Variants in MARK3 observed in about 807,000 individuals in gnomAD.
MARK3 encodes microtubule affinity regulating kinase 3.
In MARK3, 46 loss-of-function variants were observed where a neutral mutation model predicts 90.1. The ratio of observed to expected loss-of-function variants is 0.51; its 90% CI spans 0.40 to 0.65. The LOEUF (loss-of-function observed/expected upper bound fraction) is 0.65. Among genes scored for constraint, MARK3 ranks in the 30% least tolerant of loss-of-function variants. The pLI is 0.00. For missense variants in MARK3, 818 were observed against 947.2 expected, an observed-to-expected ratio of 0.86 and a Z score of 1.79; for synonymous variants, 321 against 332.6, an observed-to-expected ratio of 0.97 and a Z score of 0.38.
At chr14:103,471,521 A>C (rs1295064715) in intron 12 of MARK3, among the ~76,000 whole-genome samples, 1 of 152,096 alleles carries the variant, frequency 6.6e-6, no homozygotes, top group Non-Finnish European at 1.5e-5. Flanking sequence ...CATAATCCTC[A>C]TCTTTCTTGG....
At chr14:103,409,747 G>A (rs951398326) in intron 2 of MARK3, among the ~76,000 whole-genome samples, 3 of 152,062 alleles carry the variant, frequency 2.0e-5, no homozygotes, top group Non-Finnish European at 2.9e-5. Context: ...CCATGTCTGG[G>A]TCTTAGTACT....
At chr14:103,486,215 C>G (rs7156000) in intron 14 of MARK3, among the ~76,000 whole-genome samples, 147,368 of 152,126 alleles carry the variant, frequency 0.97, 71,562 homozygotes, top group East Asian at 1. Context: ...GAGGCAAGTG[C>G]ATCACCTGGG....
At chr14:103,476,628 A>G (rs55742283) in intron 13 of MARK3, among the ~76,000 whole-genome samples, 52,017 of 152,056 alleles carry the variant, frequency 0.34, 9,379 homozygotes, top group East Asian at 0.5. Flanking sequence ...CAATCTTAAG[A>G]TTATTCTGTA....
In MARK3 at chr14:103,468,091, G is replaced by A; in HGVS notation, c.1169G>A (p.Ser390Asn). 1 of 1,614,042 alleles carries A rather than the reference G, an allele frequency of 6.2e-7. No homozygotes were observed. Among genetic ancestry groups the A allele is most frequent in the Non-Finnish European group, 8.5e-7 (1 of 1,179,998 alleles). Reference sequence around the variant, plus strand: ...CTTTCACTTGCTAAGGTTAGGCCGAGCAGTGATCTCAACAACAGTACTGGC... The same window carrying A: ...CTTTCACTTGCTAAGGTTAGGCCGAACAGTGATCTCAACAACAGTACTGGC... ...SNLSLAKVRP[S>N]SDLNNSTGQS... The change falls in exon 12 of 18, where the codon AGC becomes AAC. Residue 390 changes from serine to asparagine, a missense_variant. Around this residue, in one of 3 missense-constraint regions of MARK3, gnomAD observed 560 missense variants for 613.5 expected, o/e 0.91. Coordinates refer to ENST00000429436, the MANE Select transcript of MARK3 (RefSeq NM_001128918.3).
intron 2 of MARK3, 88 bp downstream of exon 2, chr14:103,405,355 T>C: frequency 9.6e-7 from 1 of 1,044,182 alleles, no homozygotes; most frequent in Non-Finnish European, 1.3e-6. Context: ...ATATAGGCCT[T>C]ATTTCTTTTT....
chr14:103,463,044 G>C (rs2093431292), intron 7 of MARK3, among the ~76,000 whole-genome samples: 1 of 152,046 alleles, frequency 6.6e-6, no homozygotes, highest in Non-Finnish European at 1.5e-5. Flanking sequence ...CCCTCTGGGG[G>C]CTGTGCTCTG....
chr14:103,394,253 A>G (rs992954121), intron 1 of MARK3, among the ~76,000 whole-genome samples: 1 of 152,194 alleles, frequency 6.6e-6, no homozygotes, highest in Non-Finnish European at 1.5e-5. Flanking sequence ...CAAATTAAAC[A>G]TGAAGGAGAA....
intron 2 of MARK3, among the ~76,000 whole-genome samples, chr14:103,420,114 A>G (rs1388876027): frequency 6.6e-6 from 1 of 152,220 alleles, no homozygotes; most frequent in African/African-American, 2.4e-5. Flanking sequence ...TAAAAAGCAT[A>G]AAAACAGTCA....
Position 103,426,627 on chromosome 14 carries a change from A to G in MARK3, c.244-1760A>G, listed in dbSNP as rs561914923. Among the ~76,000 whole-genome samples, 33 of 152,180 alleles carry G rather than the reference A, an allele frequency of 2.2e-4. No individual in the cohort carries two copies. The East Asian group carries it at 3.1e-3, about 14-fold the overall frequency. The stretch of plus-strand genomic sequence containing the variant: ...CCTCTCTCCACTTTTCTTCCCTTCT[A>G]TTGTCACTTCCATTCTTTTTCCATA... On this transcript the variant is annotated intron_variant, in intron 2 of 17. Coordinates refer to ENST00000429436, the MANE Select transcript of MARK3 (RefSeq NM_001128918.3).
chr14:103,465,302 C>T (rs944790770), intron 7 of MARK3, among the ~76,000 whole-genome samples: 3 of 152,056 alleles, frequency 2.0e-5, no homozygotes, highest in Non-Finnish European at 4.4e-5. Context: ...AAACTCAAGG[C>T]TTTTCTTGAT....
At chr14:103,465,859 A>G (rs1595810440) in intron 8 of MARK3, 66 bp downstream of exon 8, 3 of 1,549,158 alleles carry the variant, frequency 1.9e-6, no homozygotes, top group Non-Finnish European at 2.6e-6. Context: ...ACATGGCTTA[A>G]TATTTTTAAC....
chr14:103,461,417 A>T (rs1483804777), intron 6 of MARK3, among the ~76,000 whole-genome samples: 1 of 152,180 alleles, frequency 6.6e-6, no homozygotes, highest in Non-Finnish European at 1.5e-5. Context: ...CAATTGTTTA[A>T]TCATAGGCAT....
At chr14:103,450,652 A>C (rs1318743553) in intron 4 of MARK3, among the ~76,000 whole-genome samples, 1 of 152,138 alleles carries the variant, frequency 6.6e-6, no homozygotes, top group South Asian at 2.1e-4. Context: ...AGGGAATGGT[A>C]TGATAGCTTT....
At chr14:103,476,437 C>G (rs916637209) in intron 13 of MARK3, among the ~76,000 whole-genome samples, 14 of 152,074 alleles carry the variant, frequency 9.2e-5, no homozygotes, top group Non-Finnish European at 1.9e-4. Context: ...TGGGTAATTG[C>G]CTAAAATTAC....
intron 2 of MARK3, among the ~76,000 whole-genome samples, chr14:103,425,067 A>G (rs2092355822): frequency 2.0e-5 from 3 of 151,848 alleles, no homozygotes; most frequent in African/African-American, 7.3e-5. Context: ...TAGCCTCCCG[A>G]GTAGCTGGGA....
intron 6 of MARK3, among the ~76,000 whole-genome samples, chr14:103,459,339 G>T (rs1035989913): frequency 6.6e-6 from 1 of 152,198 alleles, no homozygotes; most frequent in Non-Finnish European, 1.5e-5. Context: ...GACTAGGAAA[G>T]ATGGTTTGTA....
At chr14:103,386,629 C>G (rs2089826253) in intron 1 of MARK3, among the ~76,000 whole-genome samples, 1 of 152,208 alleles carries the variant, frequency 6.6e-6, no homozygotes, top group South Asian at 2.1e-4. Flanking sequence ...TTCCAAAACA[C>G]TAGCGCGCAG....
intron 1 of MARK3, among the ~76,000 whole-genome samples, chr14:103,402,324 G>A (rs1465116610): frequency 6.6e-6 from 1 of 152,102 alleles, no homozygotes; most frequent in Non-Finnish European, 1.5e-5. Context: ...AGGCTGAGGT[G>A]GGTAGATCAC....
intron 1 of MARK3, among the ~76,000 whole-genome samples, chr14:103,395,089 C>T (rs1168714550): frequency 6.6e-6 from 1 of 152,150 alleles, no homozygotes; most frequent in African/African-American, 2.4e-5. Flanking sequence ...CACAATCTTA[C>T]ACTACTTTCC....
Sources: allele counts gnomAD v4.1 joint callset (sites outside exome capture counted in the v4.1 genomes callset), GRCh38; gene constraint gnomAD v4.1.1; regional missense constraint gnomAD v4.1.1; transcripts MANE v1.5; gene names NCBI Gene and HGNC (gene_info 2026-07-23, HGNC 2026-07-21).